Variants in GPC5 observed in about 807,000 individuals in gnomAD.
The protein encoded by GPC5 is glypican-5.
GPC5 carries 47 observed loss-of-function variants against 53.9 expected under a neutral mutation model. The observed-to-expected ratio is 0.87, with a 90% CI of 0.69 to 1.11. The LOEUF (loss-of-function observed/expected upper bound fraction) is 1.11, where lower values mean the gene tolerates loss of function less well. GPC5 is among the 50% of genes most tolerant of loss of function. GPC5 has a pLI of 0.00. For synonymous variants in GPC5, 286 were observed against 263.3 expected, an observed-to-expected ratio of 1.09 and a Z score of -0.84; for missense variants, 748 against 713.1, an observed-to-expected ratio of 1.05 and a Z score of -0.56.
chr13:91,921,476 GAAAT>G (rs1176823940), intron 6 of GPC5, among the ~76,000 whole-genome samples: 3 of 152,062 alleles, frequency 2.0e-5, no homozygotes, highest in East Asian at 1.9e-4. Context: ...GAGAAAAAAT[GAAAT>G]AAATACTTAG....
intron 5 of GPC5, among the ~76,000 whole-genome samples, chr13:91,839,310 A>G (rs992333756): frequency 5.3e-5 from 8 of 152,146 alleles, no homozygotes; most frequent in Non-Finnish European, 1.0e-4. Flanking sequence ...GAATTTCAGT[A>G]TGATAACAGA....
At chr13:91,911,258 A>C (rs1328010284) in intron 6 of GPC5, among the ~76,000 whole-genome samples, 2 of 152,130 alleles carry the variant, frequency 1.3e-5, no homozygotes, top group African/African-American at 2.4e-5. Context: ...TGTAAGCAGA[A>C]GCTAGCTGGG....
intron 1 of GPC5, among the ~76,000 whole-genome samples, chr13:91,428,094 G>T (rs574948123): frequency 6.6e-6 from 1 of 152,208 alleles, no homozygotes; most frequent in South Asian, 2.1e-4. Flanking sequence ...TGTGAAAATG[G>T]ACTAACACAA....
intron 2 of GPC5, among the ~76,000 whole-genome samples, chr13:91,645,814 G>C (rs2034544823): frequency 6.6e-6 from 1 of 152,014 alleles, no homozygotes; most frequent in African/African-American, 2.4e-5. Flanking sequence ...CAGACTTCTG[G>C]GTCAGAGACT....
intron 2 of GPC5, among the ~76,000 whole-genome samples, chr13:91,660,123 G>T: frequency 6.6e-6 from 1 of 152,208 alleles, no homozygotes; most frequent in Non-Finnish European, 1.5e-5. Context: ...GTTTGGGTTT[G>T]TCTAGCTGGC....
At chr13:91,690,691 T>C (rs1397143044) in intron 2 of GPC5, among the ~76,000 whole-genome samples, 1 of 152,240 alleles carries the variant, frequency 6.6e-6, no homozygotes, top group Admixed American at 6.5e-5. Context: ...TATTTTATTC[T>C]TGCCTTTATA....
intron 2 of GPC5, among the ~76,000 whole-genome samples, chr13:91,549,651 T>C (rs2030508166): frequency 6.6e-6 from 1 of 152,054 alleles, no homozygotes; most frequent in Non-Finnish European, 1.5e-5. Context: ...AATAAACATG[T>C]GAAAAGTTGC....
intron 1 of GPC5, among the ~76,000 whole-genome samples, chr13:91,417,940 A>G (rs1028648150): frequency 2.0e-5 from 3 of 152,142 alleles, no homozygotes; most frequent in Admixed American, 6.6e-5. Flanking sequence ...CCCATGATCA[A>G]CTGTGGTCCA....
chr13:92,367,564 A>G (rs1034320192), intron 7 of GPC5, among the ~76,000 whole-genome samples: 1 of 152,226 alleles, frequency 6.6e-6, no homozygotes, highest in African/African-American at 2.4e-5. Flanking sequence ...TACCCAATAT[A>G]TGACAAAGTT....
intron 7 of GPC5, among the ~76,000 whole-genome samples, chr13:92,213,014 A>G (rs2042386005): frequency 1.3e-5 from 2 of 152,190 alleles, no homozygotes; most frequent in Non-Finnish European, 2.9e-5. Flanking sequence ...CAGTCAAGCC[A>G]CCACCAAAGG....
intron 2 of GPC5, among the ~76,000 whole-genome samples, chr13:91,629,659 T>G (rs1243961471): frequency 1.3e-5 from 2 of 151,902 alleles, no homozygotes; most frequent in African/African-American, 4.8e-5. Flanking sequence ...TATGTATATA[T>G]TTTTTTTCAA....
intron 6 of GPC5, among the ~76,000 whole-genome samples, chr13:91,919,780 T>G (rs911505150): frequency 6.6e-6 from 1 of 151,974 alleles, no homozygotes; most frequent in Non-Finnish European, 1.5e-5. Context: ...CCAGCCAGAA[T>G]AGAGGGCAGA....
chr13:92,131,931 C>A, intron 6 of GPC5, among the ~76,000 whole-genome samples: 1 of 151,974 alleles, frequency 6.6e-6, no homozygotes, highest in African/African-American at 2.4e-5. Context: ...AGTATATACC[C>A]AACAGATATA....
chr13:91,819,343 T>G (rs2038454160), intron 5 of GPC5, among the ~76,000 whole-genome samples: 1 of 151,696 alleles, frequency 6.6e-6, no homozygotes, highest in Non-Finnish European at 1.5e-5. Context: ...GTATGTTTAG[T>G]ACAGACCGGG....
At chr13:91,998,148 A>C (rs2040521030) in intron 6 of GPC5, among the ~76,000 whole-genome samples, 1 of 152,216 alleles carries the variant, frequency 6.6e-6, no homozygotes, top group Admixed American at 6.5e-5. Context: ...GTTGCTCTTC[A>C]GGACAAATGT....
At chr13:92,554,726 A>T (rs986373884) in intron 7 of GPC5, among the ~76,000 whole-genome samples, 1 of 151,028 alleles carries the variant, frequency 6.6e-6, no homozygotes, top group Non-Finnish European at 1.5e-5. Context: ...ACATTATATA[A>T]AATATTAAAA....
At chr13:92,418,964 G>C (rs1419814318) in intron 7 of GPC5, among the ~76,000 whole-genome samples, 1 of 152,168 alleles carries the variant, frequency 6.6e-6, no homozygotes, top group African/African-American at 2.4e-5. Context: ...TGCAACCCTG[G>C]AGAGTAAACA....
At chr13:91,970,272 G>A (rs537263539) in intron 6 of GPC5, among the ~76,000 whole-genome samples, 24 of 152,072 alleles carry the variant, frequency 1.6e-4, no homozygotes, top group Admixed American at 3.3e-4. Flanking sequence ...GCCAGGGCCC[G>A]GGGATGGAAG....
At chr13:91,432,203 C>CTGCTGCTGTGTGTG (rs1555306318) in intron 1 of GPC5, among the ~76,000 whole-genome samples, 35 of 136,442 alleles carry the variant, frequency 2.6e-4, no homozygotes, top group African/African-American at 8.3e-4. Flanking sequence ...GCTGCTGCTG[C>CTGCTGCTGTGTGTG]TGTGTGTGTG....
Sources: gnomAD v4.1 joint callset for allele counts (sites outside exome capture counted in the v4.1 genomes callset) on GRCh38, gnomAD v4.1.1 for gene constraint, MANE v1.5 for transcripts, NCBI Gene and HGNC (gene_info 2026-07-23, HGNC 2026-07-21) for gene names.